The following COL28A1 variants were observed in gnomAD, a reference collection of about 807,000 sequenced individuals.
COL28A1 encodes the protein collagen alpha-1(XXVIII) chain.
Under a neutral mutation model 150.2 loss-of-function variants are expected in COL28A1, and 161 were observed. That is an observed-to-expected ratio of 1.07 (90% CI 0.94 to 1.22). The LOEUF is 1.22. COL28A1 is among the 50% of genes most tolerant of loss of function. COL28A1 has a pLI of 0.00. For synonymous variants in COL28A1, 552 were observed against 469.7 expected (o/e 1.18, Z -2.26); for missense variants, 1,617 against 1,388.3 (o/e 1.16, Z -2.62).
intron 27 of COL28A1, among the ~76,000 whole-genome samples, chr7:7,396,868 C>T (rs1283087516): frequency 2.6e-5 from 4 of 152,156 alleles, no homozygotes; most frequent in Admixed American, 2.0e-4. Flanking sequence ...TTCCTAAAAA[C>T]AGTTTAAAAC....
At chr7:7,371,024 A>G (rs1448112551) in intron 32 of COL28A1, 142 bp from the exon 33 acceptor site, 7 of 623,958 alleles carry the variant, frequency 1.1e-5, no homozygotes, top group South Asian at 2.1e-5. Context: ...AACTTATAAA[A>G]GCATTTTTAC....
At chr7:7,377,463 G>A (rs1188596984) in intron 30 of COL28A1, among the ~76,000 whole-genome samples, 1 of 152,194 alleles carries the variant, frequency 6.6e-6, no homozygotes, top group African/African-American at 2.4e-5. Flanking sequence ...TCCTGGGGCA[G>A]GAAACTGAGG....
intron 14 of COL28A1, among the ~76,000 whole-genome samples, chr7:7,475,496 T>C (rs971957071): frequency 4.6e-5 from 7 of 152,334 alleles, no homozygotes; most frequent in South Asian, 4.1e-4. Flanking sequence ...ATGTGTTCTT[T>C]CTTTGATGAG....
At chr7:7,398,947 G>C (rs1052224035) in intron 27 of COL28A1, among the ~76,000 whole-genome samples, 3 of 152,060 alleles carry the variant, frequency 2.0e-5, no homozygotes, top group African/African-American at 4.8e-5. Context: ...TTTCTGCCAG[G>C]GTCCCTTACT....
chr7:7,382,354 A>G (rs1289501553), intron 27 of COL28A1, among the ~76,000 whole-genome samples: 1 of 152,076 alleles, frequency 6.6e-6, no homozygotes, highest in East Asian at 1.9e-4. Flanking sequence ...TAACGGGGAA[A>G]AGAGTATATA....
chr7:7,406,431 G>A lies in COL28A1; in HGVS notation c.2136+11428C>T, dbSNP rs6972392. Among the ~76,000 whole-genome samples, 800 of 152,282 alleles carry A rather than the reference G, an allele frequency of 5.3e-3. 5 individuals are homozygous for A. Among genetic ancestry groups the A allele is most frequent in the African/African-American group, 0.018 (765 of 41,572 alleles). ...TTTGCCAGATACTCTGCTAGGTGCT[G>A]GGAAGGAGAGGGGGATAAAAGAAAC... On this transcript the variant is annotated intron_variant, in intron 27 of 34. Transcript: ENST00000399429.
chr7:7,374,965 A>T (rs980780718), intron 31 of COL28A1, among the ~76,000 whole-genome samples: 4 of 152,216 alleles, frequency 2.6e-5, no homozygotes, highest in Non-Finnish European at 5.9e-5. Flanking sequence ...GGAAGCATTT[A>T]GTAGTTGTGA....
intron 18 of COL28A1, among the ~76,000 whole-genome samples, chr7:7,451,236 T>G (rs1406714829): frequency 1.3e-5 from 2 of 152,078 alleles, no homozygotes; most frequent in Non-Finnish European, 2.9e-5. Context: ...TACTTCTTTT[T>G]TTTTTTTTAA....
At chr7:7,441,323 A>G (rs1785770822) in intron 20 of COL28A1, among the ~76,000 whole-genome samples, 2 of 152,140 alleles carry the variant, frequency 1.3e-5, no homozygotes, top group African/African-American at 4.8e-5. Context: ...CTTTCCCCCA[A>G]AAGAGACCAA....
chr7:7,440,565 G>A (rs7789262), intron 21 of COL28A1, among the ~76,000 whole-genome samples: 56,960 of 152,062 alleles, frequency 0.37, 12,779 homozygotes, highest in African/African-American at 0.64. Context: ...GACAAATTAG[G>A]AACATAAGTA....
chr7:7,482,756 C>G (rs910969709), intron 13 of COL28A1, among the ~76,000 whole-genome samples: 1 of 151,896 alleles, frequency 6.6e-6, no homozygotes, highest in African/African-American at 2.4e-5. Flanking sequence ...AGGTAATATA[C>G]GTTTTTTAAG....
chr7:7,342,770 CATATT>C, the COL28A1 span, among the ~76,000 whole-genome samples: 8 of 152,108 alleles, frequency 5.3e-5, no homozygotes, highest in East Asian at 3.9e-4. Flanking sequence ...TTTAAAACAT[CATATT>C]ATGATTATTA....
At position 7,488,183 on chromosome 7, in the gene COL28A1, T is replaced by C. The variant is rs76092505; in HGVS notation, c.1164+1206A>G. ...CACAAAACCAAAATAGAGACCAAAA[T>C]AAGTTAGTGGTTTATCTTTAATGGT... On this transcript the variant is annotated intron_variant, in intron 13 of 34. Transcript: ENST00000399429. Among the ~76,000 whole-genome samples the C allele has an allele frequency of 6.4e-3, 979 of 152,230 alleles. 6 individuals are homozygous for C. The highest frequency in any genetic ancestry group is 0.023 in the African/African-American group (940 of 41,534).
intron 27 of COL28A1, among the ~76,000 whole-genome samples, chr7:7,386,272 T>C (rs1380043359): frequency 6.6e-6 from 1 of 152,208 alleles, no homozygotes; most frequent in Non-Finnish European, 1.5e-5. Flanking sequence ...AAATGTTTTC[T>C]CAGTAAGGTG....
At chr7:7,519,407 C>T (rs544654806) in intron 6 of COL28A1, among the ~76,000 whole-genome samples, 12 of 152,306 alleles carry the variant, frequency 7.9e-5, no homozygotes, top group African/African-American at 2.9e-4. Context: ...ATAACCAAAG[C>T]ATATCACTCC....
intron 13 of COL28A1, among the ~76,000 whole-genome samples, chr7:7,485,200 T>C (rs977118039): frequency 6.6e-6 from 1 of 152,100 alleles, no homozygotes; most frequent in Non-Finnish European, 1.5e-5. Flanking sequence ...TAAAAATATA[T>C]ACAAGTATAT....
chr7:7,446,801 T>A (rs1443670857), intron 18 of COL28A1, among the ~76,000 whole-genome samples: 1 of 152,178 alleles, frequency 6.6e-6, no homozygotes, highest in East Asian at 1.9e-4. Context: ...TTCAGGCATC[T>A]CTCTAAGGAG....
chr7:7,499,872 C>G (rs915977637), intron 11 of COL28A1, among the ~76,000 whole-genome samples: 1 of 152,164 alleles, frequency 6.6e-6, no homozygotes, highest in Non-Finnish European at 1.5e-5. Context: ...ATTTTTAAAA[C>G]TACTAAATCT....
Position 7,358,674 on chromosome 7 carries a change from T to C in COL28A1, c.3337A>G (p.Asn1113Asp), listed in dbSNP as rs761083586. Residue 1113 changes from asparagine to aspartate, a missense_variant, in exon 35 of 35, where the codon AAC becomes GAC. Transcript: ENST00000399429. ...GTTTCTTGACATTCCTTTTCACTGT[T>C]GAATCTATTTCCTGAGCCATTACAG... The part of the protein sequence containing the change: ...SGCNGSGNRF[N>D]SEKECQETCI... 1.2e-6 allele frequency: 2 copies of C among 1,614,042 alleles called. No individual in the cohort carries two copies. Among genetic ancestry groups the C allele is most frequent in the East Asian group, 4.5e-5 (2 of 44,870 alleles).
Sources: allele counts gnomAD v4.1 joint callset (sites outside exome capture counted in the v4.1 genomes callset), GRCh38; gene constraint gnomAD v4.1.1; transcripts MANE v1.5; gene names NCBI Gene and HGNC (gene_info 2026-07-23, HGNC 2026-07-21).